Variants in INPP5B observed in about 807,000 individuals in gnomAD.
INPP5B encodes inositol polyphosphate-5-phosphatase B.
Under a neutral mutation model 118.5 loss-of-function variants are expected in INPP5B, and 90 were observed. The observed-to-expected ratio is 0.76, with a 90% confidence interval of 0.64 to 0.90. The LOEUF (loss-of-function observed/expected upper bound fraction) is 0.90. Among genes scored for constraint, INPP5B ranks in the 40% least tolerant of loss-of-function variants. INPP5B has a pLI of 0.00. For synonymous variants in INPP5B, 385 were observed against 418.9 expected (o/e 0.92, Z 0.99); for missense variants, 984 against 1,125.6 (o/e 0.87, Z 1.80).
intron 7 of INPP5B, among the ~76,000 whole-genome samples, chr1:37,908,507 G>A (rs868554044): frequency 6.6e-6 from 1 of 151,950 alleles, no homozygotes; most frequent in Non-Finnish European, 1.5e-5. Flanking sequence ...AGGCTAAGAG[G>A]CGGGAGGATA....
chr1:37,864,347 T>A lies in INPP5B; in HGVS notation c.2591A>T (p.Asn864Ile). The A allele has an allele frequency of 6.2e-7, 1 of 1,611,790 alleles. No individual in the cohort carries two copies. The highest frequency in any genetic ancestry group is 8.5e-7 in the Non-Finnish European group (1 of 1,177,948). ...LMAFLRELLK[N>I]SAKNHLDENI... is the part of the protein sequence containing the mutation. ...CTCATCCAAATGATTTTTTGCTGAA[T>A]TTTTCAGCAGTTCTCGCAAAAACGC... Residue 864 changes from asparagine to isoleucine, a missense_variant, in exon 23 of 24, where the codon AAT becomes ATT. Around this residue, in one of 2 missense-constraint regions of INPP5B, gnomAD observed 634 missense variants for 791.0 expected, o/e 0.80. Coordinates refer to ENST00000373024, the MANE Select transcript of INPP5B (RefSeq NM_005540.3).
intron 7 of INPP5B, among the ~76,000 whole-genome samples, chr1:37,913,745 C>T (rs1362425813): frequency 2.0e-5 from 3 of 152,134 alleles, no homozygotes; most frequent in African/African-American, 7.2e-5. Context: ...AACACTTCAC[C>T]ACCATTTTGT....
rs1272078425 is a variant in INPP5B, at chr1:37,896,499, C to T, written c.533-5045G>A. On this transcript the variant is annotated intron_variant, in intron 7 of 23. Coordinates refer to ENST00000373024, the MANE Select transcript of INPP5B (RefSeq NM_005540.3). The stretch of plus-strand genomic sequence containing the variant: ...GGGATCAGCCCCCCGCCCGGCCAGC[C>T]GCCCCGTCCGGCAGGTGAGGGGCGC... 1.0e-4 allele frequency among the ~76,000 whole-genome samples: 15 copies of T among 149,134 alleles called. No individual in the cohort carries two copies. In the East Asian group the frequency reaches 2.1e-3, roughly 20 times the overall value.
At chr1:37,899,355 G>A (rs958499367) in intron 7 of INPP5B, among the ~76,000 whole-genome samples, 1 of 151,642 alleles carries the variant, frequency 6.6e-6, no homozygotes, top group Non-Finnish European at 1.5e-5. Flanking sequence ...CCTGAGGTTG[G>A]GAGTTCGAGA....
chr1:37,921,512 C>A (rs1486169504), intron 7 of INPP5B, among the ~76,000 whole-genome samples: 1 of 152,112 alleles, frequency 6.6e-6, no homozygotes, highest in Non-Finnish European at 1.5e-5. Flanking sequence ...TCTCAAATAT[C>A]TCACAGCTTT....
intron 19 of INPP5B, among the ~76,000 whole-genome samples, chr1:37,871,577 G>A (rs1479362661): frequency 2.0e-5 from 3 of 152,096 alleles, no homozygotes; most frequent in Non-Finnish European, 4.4e-5. Flanking sequence ...AGACCAGCCC[G>A]GCCGACATGG....
intron 9 of INPP5B, among the ~76,000 whole-genome samples, chr1:37,888,652 T>C (rs2148514734): frequency 6.6e-6 from 1 of 152,170 alleles, no homozygotes; most frequent in South Asian, 2.1e-4. Context: ...ACTACTGAAA[T>C]GAAAAAATGA....
intron 6 of INPP5B, 112 bp from the exon 7 acceptor site, chr1:37,932,165 T>TACA (rs776662544): frequency 0.021 from 19,474 of 914,726 alleles, 1,264 homozygotes; most frequent in African/African-American, 0.081. Context: ...ACAGAAGGGT[T>TACA]CTGTGCGCAC....
In INPP5B at chr1:37,922,383, G is replaced by A. The variant is rs139406936; in HGVS notation, c.532+9530C>T. 1.7e-3 allele frequency among the ~76,000 whole-genome samples: 263 copies of A among 151,330 alleles called. 2 individuals carry two copies. Among genetic ancestry groups the A allele is most frequent in the African/African-American group, 6.1e-3 (251 of 41,214 alleles). On this transcript the variant is annotated intron_variant, in intron 7 of 23. Coordinates refer to ENST00000373024, the MANE Select transcript of INPP5B (RefSeq NM_005540.3). ...CAGCCTGGGTGACAGAGTGAACTCC[G>A]TCTCAAAAAATGAAATAAGCTGGGC...
chr1:37,865,574 T>C (rs1358383870), intron 22 of INPP5B, among the ~76,000 whole-genome samples, 187 bp downstream of exon 22: 1 of 151,940 alleles, frequency 6.6e-6, no homozygotes, highest in African/African-American at 2.4e-5. Context: ...GGTTTCGGGG[T>C]TGACTCACTG....
intron 7 of INPP5B, among the ~76,000 whole-genome samples, chr1:37,902,267 G>A (rs1023460735): frequency 2.0e-5 from 3 of 152,080 alleles, no homozygotes; most frequent in South Asian, 2.1e-4. Context: ...GATTACAGGC[G>A]TGAGCCACCT....
At chr1:37,899,298 C>T (rs1477871176) in intron 7 of INPP5B, among the ~76,000 whole-genome samples, 2 of 151,950 alleles carry the variant, frequency 1.3e-5, no homozygotes, top group Admixed American at 6.6e-5. Context: ...CAGTGGCTCA[C>T]ACCTGTAATC....
intron 15 of INPP5B, among the ~76,000 whole-genome samples, chr1:37,879,642 T>C (rs779161969): frequency 2.7e-5 from 4 of 150,882 alleles, no homozygotes; most frequent in Non-Finnish European, 5.9e-5. Context: ...CCTGTAATCC[T>C]AGCTACTTGG....
chr1:37,898,673 C>T (rs577816641), intron 7 of INPP5B, among the ~76,000 whole-genome samples: 35 of 147,884 alleles, frequency 2.4e-4, no homozygotes, highest in Admixed American at 9.5e-4. Flanking sequence ...CTGGCCTGGG[C>T]GAAAGGTGAG....
chr1:37,887,298 G>T, intron 11 of INPP5B, 53 bp downstream of exon 11: 2 of 1,072,608 alleles, frequency 1.9e-6, no homozygotes, highest in Non-Finnish European at 2.8e-6. Context: ...AATGATCTTG[G>T]AATTTCCCTG....
chr1:37,898,039 A>C (rs1033805595), intron 7 of INPP5B, among the ~76,000 whole-genome samples: 1 of 152,242 alleles, frequency 6.6e-6, no homozygotes, highest in East Asian at 1.9e-4. Flanking sequence ...ACCAAGATAT[A>C]TTTCAACAGA....
intron 5 of INPP5B, chr1:37,942,159 G>C (rs1321670281): frequency 2.7e-5 from 4 of 150,700 alleles, no homozygotes; most frequent in Non-Finnish European, 4.4e-5. Flanking sequence ...GCCCGGTGCG[G>C]TGGCTCATGC....
intron 17 of INPP5B, among the ~76,000 whole-genome samples, 181 bp downstream of exon 17, chr1:37,875,425 C>T (rs1472803643): frequency 1.3e-5 from 2 of 152,142 alleles, no homozygotes; most frequent in Non-Finnish European, 2.9e-5. Context: ...CCGACCACCA[C>T]GCCCGGCTAA....
chr1:37,878,835 A>T (rs1643005767), intron 15 of INPP5B, among the ~76,000 whole-genome samples: 1 of 151,450 alleles, frequency 6.6e-6, no homozygotes, highest in Admixed American at 6.6e-5. Flanking sequence ...ATTTTAGTAG[A>T]GGTGGGGTTT....
Sources: allele counts gnomAD v4.1 joint callset (sites outside exome capture counted in the v4.1 genomes callset), GRCh38; gene constraint gnomAD v4.1.1; regional missense constraint gnomAD v4.1.1; transcripts MANE v1.5; gene names NCBI Gene and HGNC (gene_info 2026-07-23, HGNC 2026-07-21).